Variants in CD84 observed in about 807,000 individuals in gnomAD.
The protein encoded by CD84 is CD84 molecule.
Under a neutral mutation model 33.8 loss-of-function variants are expected in CD84, and 22 were observed. The ratio of observed to expected loss-of-function variants is 0.65; its 90% confidence interval spans 0.46 to 0.93. The LOEUF is 0.93. CD84 is among the 40% of genes least tolerant of loss of function. The pLI is 0.00. For synonymous variants in CD84, 154 were observed against 145.2 expected, an observed-to-expected ratio of 1.06 and a Z score of -0.44; for missense variants, 400 against 397.6, an observed-to-expected ratio of 1.01 and a Z score of -0.05.
At chr1:160,551,905 C>A (rs1427864329) in intron 4 of CD84, among the ~76,000 whole-genome samples, 1 of 152,088 alleles carries the variant, frequency 6.6e-6, no homozygotes, top group Non-Finnish European at 1.5e-5. Flanking sequence ...CTGTGTGAGG[C>A]CCCAGAGAAG....
At chr1:160,551,677 G>A (rs1656233530) in intron 4 of CD84, among the ~76,000 whole-genome samples, 1 of 152,108 alleles carries the variant, frequency 6.6e-6, no homozygotes, top group African/African-American at 2.4e-5. Context: ...CTGAGTAGCT[G>A]GGACCACAGG....
intron 5 of CD84, chr1:160,550,544 G>C (rs1452803803): frequency 2.3e-6 from 2 of 851,828 alleles, no homozygotes; most frequent in Non-Finnish European, 2.8e-6. Context: ...TTGTCTGTCA[G>C]TTCTGTTGCC....
chr1:160,559,028 G>A (rs1456378304), intron 2 of CD84, among the ~76,000 whole-genome samples: 1 of 152,136 alleles, frequency 6.6e-6, no homozygotes, highest in African/African-American at 2.4e-5. Context: ...AAAGAGATGG[G>A]GAGAATGGAA....
At chr1:160,561,772 T>C (rs76637169) in intron 2 of CD84, among the ~76,000 whole-genome samples, 1 of 152,068 alleles carries the variant, frequency 6.6e-6, no homozygotes, top group Non-Finnish European at 1.5e-5. Context: ...CCCCATAATC[T>C]CAGGCCAATA....
At chr1:160,572,585 G>GA (rs890394209) in intron 1 of CD84, among the ~76,000 whole-genome samples, 13 of 151,542 alleles carry the variant, frequency 8.6e-5, no homozygotes, top group African/African-American at 2.9e-4. Context: ...TTGGGGGGGG[G>GA]AATGTTACTA....
chr1:160,552,651 A>G (rs1181814584), intron 4 of CD84: 15 of 1,266,920 alleles, frequency 1.2e-5, no homozygotes, highest in Non-Finnish European at 1.7e-5. Context: ...CTCTGTTGGG[A>G]ACTCCCCATC....
chr1:160,549,669 T>A (rs1189406771), intron 6 of CD84, among the ~76,000 whole-genome samples: 1 of 152,114 alleles, frequency 6.6e-6, no homozygotes, highest in Non-Finnish European at 1.5e-5. Context: ...TTCAGAGGCA[T>A]AGGGACTTCT....
In CD84 at chr1:160,550,899, A is replaced by G. The variant is rs1656168365; in HGVS notation, c.858+39T>C. The stretch of plus-strand genomic sequence containing the variant: ...CTGCCCATGACTCCCTGTCATGGAG[A>G]TGGTGGCACAGGGGTGTCCATGAAT... On this transcript the variant is annotated intron_variant, in intron 5 of 6. Coordinates refer to ENST00000368054, the MANE Select transcript of CD84 (RefSeq NM_003874.4). The G allele has an allele frequency of 1.9e-6, 3 of 1,609,294 alleles. No individual in the cohort carries two copies. The South Asian group carries it at 3.3e-5, about 18-fold the overall frequency.
intron 2 of CD84, among the ~76,000 whole-genome samples, chr1:160,561,674 A>G (rs1656977719): frequency 6.6e-6 from 1 of 152,210 alleles, no homozygotes; most frequent in Non-Finnish European, 1.5e-5. Context: ...GCAATCAGGC[A>G]AGAGAAAGAA....
Position 160,548,071 on chromosome 1 carries a change from G to A in CD84, c.*185C>T, listed in dbSNP as rs1323118660. The A allele has an allele frequency of 1.6e-5, 10 of 622,918 alleles. No individual in the cohort carries two copies. Among genetic ancestry groups the A allele is most frequent in the Non-Finnish European group, 2.6e-5 (9 of 348,758 alleles). 38.6% of individuals were successfully genotyped at this position (622,918 alleles called of 1,614,324 possible). ...AAGGGAGTCATTTCAGGAAGGGTAT[G>A]CATCCATTTGTCCATTTAGGCACAA... is the stretch of plus-strand genomic sequence containing the variant. On this transcript the variant is annotated 3_prime_UTR_variant, in exon 7 of 7. Coordinates refer to ENST00000368054, the MANE Select transcript of CD84 (RefSeq NM_003874.4).
At chr1:160,579,042 C>T (rs748416599) in intron 1 of CD84, among the ~76,000 whole-genome samples, 5 of 152,082 alleles carry the variant, frequency 3.3e-5, no homozygotes, top group Non-Finnish European at 7.4e-5. Flanking sequence ...GAAGAAATTG[C>T]TTGTAAGTCA....
chr1:160,547,021 A>G lies in CD84; in HGVS notation c.*1235T>C, dbSNP rs1452608489. 2.5e-6 allele frequency: 1 copy of G among 397,980 alleles called. No homozygotes were observed. Among genetic ancestry groups the G allele is most frequent in the Non-Finnish European group, 4.4e-6 (1 of 225,872 alleles). The allele number at this position is 397,980 out of a possible 1,614,324, so 24.7% of individuals were successfully genotyped here. On this transcript the variant is annotated 3_prime_UTR_variant, in exon 7 of 7. Coordinates refer to ENST00000368054, the MANE Select transcript of CD84 (RefSeq NM_003874.4). ...GTTAGCCGATTATACTTGCTAACAC[A>G]TAAGGGAAACACTTCCTTAAATGAT...
chr1:160,560,547 G>A (rs1218939540), intron 2 of CD84, among the ~76,000 whole-genome samples: 2 of 152,112 alleles, frequency 1.3e-5, no homozygotes, highest in African/African-American at 2.4e-5. Flanking sequence ...AAGCTAGAAA[G>A]ATCTCAAGTT....
intron 1 of CD84, among the ~76,000 whole-genome samples, chr1:160,569,364 C>T (rs1339907411): frequency 1.3e-5 from 2 of 152,146 alleles, no homozygotes; most frequent in South Asian, 2.1e-4. Context: ...TATGTTATCA[C>T]TGGAAGTGAC....
intron 1 of CD84, among the ~76,000 whole-genome samples, chr1:160,567,150 C>T (rs778636711): frequency 6.6e-6 from 1 of 152,158 alleles, no homozygotes; most frequent in Non-Finnish European, 1.5e-5. Context: ...GCTCTGATGA[C>T]CAGACATCAG....
At chr1:160,559,335 T>C (rs1029985953) in intron 2 of CD84, among the ~76,000 whole-genome samples, 5 of 152,200 alleles carry the variant, frequency 3.3e-5, no homozygotes, top group Non-Finnish European at 7.3e-5. Flanking sequence ...GTCAACATTA[T>C]TGAAGAAAAC....
At chr1:160,578,061 G>A (rs192581004) in intron 1 of CD84, among the ~76,000 whole-genome samples, 26 of 152,242 alleles carry the variant, frequency 1.7e-4, no homozygotes, top group Admixed American at 1.6e-3. Context: ...ATTAACCTTG[G>A]AATTAGAAAA....
intron 1 of CD84, chr1:160,570,890 C>T (rs945571725): frequency 6.6e-6 from 1 of 152,112 alleles, no homozygotes; most frequent in Admixed American, 6.6e-5. Context: ...TAAATAAATA[C>T]ATAAAAAGAG....
chr1:160,564,539 A>G (rs1657195586), intron 2 of CD84, among the ~76,000 whole-genome samples: 1 of 152,240 alleles, frequency 6.6e-6, no homozygotes, highest in Non-Finnish European at 1.5e-5. Context: ...GAATGGTTAA[A>G]CAACCTAGTG....
Sources: gnomAD v4.1 joint callset for allele counts (sites outside exome capture counted in the v4.1 genomes callset) on GRCh38, gnomAD v4.1.1 for gene constraint, MANE v1.5 for transcripts, NCBI Gene and HGNC (gene_info 2026-07-23, HGNC 2026-07-21) for gene names.